Variants in MAF observed in about 807,000 individuals in gnomAD.
The protein encoded by MAF is MAF bZIP transcription factor.
Under a neutral mutation model 22.0 loss-of-function variants are expected in MAF, and 10 were observed. The ratio of observed to expected loss-of-function variants is 0.45; its 90% CI spans 0.28 to 0.77. The LOEUF (loss-of-function observed/expected upper bound fraction) is 0.77, where lower values mean the gene tolerates loss of function less well. Ranked by LOEUF, MAF falls within the 30% of genes least tolerant of loss-of-function variation. The pLI is 0.12. For missense variants in MAF, 544 were observed against 548.4 expected (o/e 0.99, Z 0.08); for synonymous variants, 337 against 255.8 (o/e 1.32, Z -3.03).
chr16:79,557,572 C>T, the MAF span, among the ~76,000 whole-genome samples: 4 of 152,152 alleles, frequency 2.6e-5, 1 homozygote, highest in South Asian at 8.3e-4. Context: ...GTGTTACAGC[C>T]CTAAAGACTC....
At chr16:79,378,915 C>G in the MAF span, among the ~76,000 whole-genome samples, 1 of 152,164 alleles carries the variant, frequency 6.6e-6, no homozygotes, top group Non-Finnish European at 1.5e-5. Context: ...ACTGGGCCAA[C>G]TGGTATACAT....
the MAF span, among the ~76,000 whole-genome samples, chr16:79,553,192 G>A: frequency 1.2e-4 from 19 of 152,334 alleles, no homozygotes; most frequent in South Asian, 2.5e-3. Context: ...CTCTGCCTCG[G>A]CAACAGCTCT....
the MAF span, among the ~76,000 whole-genome samples, chr16:79,299,123 C>A: frequency 2.2e-4 from 33 of 152,120 alleles, no homozygotes; most frequent in African/African-American, 7.0e-4. Context: ...ACCCTTTTCT[C>A]CCTCCTCTGC....
chr16:79,413,210 G>GTTTTTTTTT, the MAF span, among the ~76,000 whole-genome samples: 10 of 63,640 alleles, frequency 1.6e-4, 1 homozygote, highest in Admixed American at 2.4e-4. Flanking sequence ...GAGCTGTGCA[G>GTTTTTTTTT]TTTTTTTTTT....
At chr16:79,422,483 T>C in the MAF span, among the ~76,000 whole-genome samples, 1 of 152,154 alleles carries the variant, frequency 6.6e-6, no homozygotes, top group Non-Finnish European at 1.5e-5. Flanking sequence ...ATTTACTGCC[T>C]CCAAGACCTT....
At chr16:79,535,296 T>A in the MAF span, among the ~76,000 whole-genome samples, 3 of 151,886 alleles carry the variant, frequency 2.0e-5, no homozygotes, top group African/African-American at 7.3e-5. Flanking sequence ...TTTCTGATAC[T>A]ATCATCTTAA....
At chr16:79,311,276 C>T in the MAF span, among the ~76,000 whole-genome samples, 2 of 152,186 alleles carry the variant, frequency 1.3e-5, no homozygotes, top group African/African-American at 4.8e-5. Flanking sequence ...TCTTTCCCCT[C>T]TAAACCAGCT....
the MAF span, among the ~76,000 whole-genome samples, chr16:79,319,638 A>G: frequency 6.6e-6 from 1 of 152,200 alleles, no homozygotes; most frequent in Non-Finnish European, 1.5e-5. Flanking sequence ...GATTATTCTT[A>G]AACTATTCTA....
chr16:79,514,735 G>A, the MAF span, among the ~76,000 whole-genome samples: 7 of 152,126 alleles, frequency 4.6e-5, no homozygotes, highest in East Asian at 3.9e-4. Flanking sequence ...TGTCGTAGGC[G>A]GCCTCTATCA....
At chr16:79,595,484 C>T (rs906649787) in intron 1 of MAF, 4 of 1,058,756 alleles carry the variant, frequency 3.8e-6, no homozygotes, top group Admixed American at 5.4e-5. Flanking sequence ...CAAAACAGTG[C>T]TGGCTTTGTC....
At chr16:79,477,084 A>C in the MAF span, among the ~76,000 whole-genome samples, 396 of 152,274 alleles carry the variant, frequency 2.6e-3, 4 homozygotes, top group South Asian at 0.035. Context: ...CCAGGGCAAG[A>C]GGGGAACAAG....
chr16:79,575,906 C>A, the MAF span, among the ~76,000 whole-genome samples: 9 of 152,208 alleles, frequency 5.9e-5, no homozygotes, highest in East Asian at 1.9e-4. Context: ...TCACAAATGT[C>A]TGGGTCAATT....
the MAF span, among the ~76,000 whole-genome samples, chr16:79,312,425 C>T: frequency 1.4e-4 from 22 of 152,294 alleles, no homozygotes; most frequent in East Asian, 3.7e-3. Flanking sequence ...AATAGCTGAC[C>T]TCCATACATG....
At chr16:79,584,889 T>A (rs1912745465), downstream of MAF, among the ~76,000 whole-genome samples, 1 of 152,194 alleles carries the variant, frequency 6.6e-6, no homozygotes, top group Non-Finnish European at 1.5e-5. Context: ...ATACTATTTT[T>A]AAAAAGTGGG....
the MAF span, among the ~76,000 whole-genome samples, chr16:79,473,700 G>T: frequency 6.6e-6 from 1 of 152,126 alleles, no homozygotes; most frequent in Non-Finnish European, 1.5e-5. Flanking sequence ...TCCACCTGCA[G>T]TTAAAAACCA....
At chr16:79,385,755 G>C in the MAF span, among the ~76,000 whole-genome samples, 9 of 152,262 alleles carry the variant, frequency 5.9e-5, no homozygotes, top group Admixed American at 5.9e-4. Context: ...ACAAAATTTA[G>C]CTGGGTGTGG....
the MAF span, among the ~76,000 whole-genome samples, chr16:79,278,067 A>G: frequency 1.3e-5 from 2 of 152,228 alleles, no homozygotes. Flanking sequence ...TGCAAACATT[A>G]TAAAACTGTA....
At chr16:79,272,775 T>C in the MAF span, among the ~76,000 whole-genome samples, 11 of 152,152 alleles carry the variant, frequency 7.2e-5, no homozygotes, top group Admixed American at 6.5e-4. Flanking sequence ...CCACCCACAA[T>C]TCGGTAACGA....
the MAF span, among the ~76,000 whole-genome samples, chr16:79,343,829 A>T: frequency 6.6e-6 from 1 of 151,888 alleles, no homozygotes; most frequent in East Asian, 1.9e-4. Flanking sequence ...TGGTCTTCCT[A>T]CCCCCCACGG....
Sources: allele counts gnomAD v4.1 joint callset (sites outside exome capture counted in the v4.1 genomes callset), GRCh38; gene constraint gnomAD v4.1.1; transcripts MANE v1.5; gene names NCBI Gene and HGNC (gene_info 2026-07-23, HGNC 2026-07-21).